The following GSE1 variants were observed in gnomAD, a reference collection of about 807,000 sequenced individuals.
GSE1 encodes Gse1 coiled-coil protein, also known as genetic suppressor element 1.
A neutral mutation model predicts 112.6 loss-of-function variants in GSE1; 32 were observed. The observed-to-expected ratio is 0.28, with a 90% confidence interval of 0.21 to 0.38. The LOEUF (loss-of-function observed/expected upper bound fraction) is 0.38, where lower values mean the gene tolerates loss of function less well. GSE1 is among the 10% of genes least tolerant of loss of function. GSE1 has a pLI of 1.00. For missense variants in GSE1, 2,348 were observed against 1,699.2 expected (o/e 1.38, Z -6.71); for synonymous variants, 1,115 against 735.6 (o/e 1.52, Z -8.35).
At chr16:85,485,546 C>T (rs1006382608) in intron 2 of GSE1, among the ~76,000 whole-genome samples, 3 of 152,254 alleles carry the variant, frequency 2.0e-5, no homozygotes, top group Admixed American at 6.5e-5. Context: ...TCCTTCATCC[C>T]GCAGGCCCGG....
intron 2 of GSE1, among the ~76,000 whole-genome samples, chr16:85,511,683 A>G (rs1356124026): frequency 6.6e-6 from 1 of 152,162 alleles, no homozygotes; most frequent in Admixed American, 6.5e-5. Context: ...GGTGGCCTAA[A>G]TGCAATCTCA....
intron 1 of GSE1, among the ~76,000 whole-genome samples, chr16:85,208,537 C>G (rs975753107): frequency 6.6e-6 from 1 of 152,258 alleles, no homozygotes; most frequent in African/African-American, 2.4e-5. Context: ...TGTCCCCTTT[C>G]ACATGATTCC....
intron 2 of GSE1, among the ~76,000 whole-genome samples, chr16:85,474,553 A>C (rs2050394064): frequency 1.3e-5 from 2 of 152,022 alleles, no homozygotes; most frequent in African/African-American, 2.4e-5. Context: ...GACCTGACCC[A>C]GCCTTGGGGA....
chr16:85,181,296 C>T (rs1168917607), intron 1 of GSE1, among the ~76,000 whole-genome samples: 1 of 152,204 alleles, frequency 6.6e-6, no homozygotes, highest in African/African-American at 2.4e-5. Context: ...GGTATCATTC[C>T]CGCTTTTCAG....
At chr16:85,452,599 C>G (rs919979231) in intron 2 of GSE1, among the ~76,000 whole-genome samples, 2 of 152,224 alleles carry the variant, frequency 1.3e-5, no homozygotes, top group African/African-American at 4.8e-5. Flanking sequence ...CAAAGGGCCT[C>G]CTTCCTCGGA....
intron 1 of GSE1, among the ~76,000 whole-genome samples, chr16:85,205,216 G>A (rs1389230597): frequency 6.6e-6 from 1 of 151,954 alleles, no homozygotes; most frequent in East Asian, 1.9e-4. Flanking sequence ...TGCAACCTCC[G>A]CCTCCTGGGG....
chr16:85,639,849 G>T (rs755112685), intron 2 of GSE1, among the ~76,000 whole-genome samples: 1 of 152,234 alleles, frequency 6.6e-6, no homozygotes, highest in Non-Finnish European at 1.5e-5. Flanking sequence ...GCAGCCTCCC[G>T]CAGGGACGCA....
At chr16:85,499,849 G>T (rs145805209) in intron 2 of GSE1, among the ~76,000 whole-genome samples, 6 of 152,322 alleles carry the variant, frequency 3.9e-5, no homozygotes, top group South Asian at 2.1e-4. Flanking sequence ...GAAATGGACA[G>T]ACTGTTACAG....
chr16:85,550,942 C>CT (rs1227913355), intron 2 of GSE1, among the ~76,000 whole-genome samples: 8 of 152,250 alleles, frequency 5.3e-5, no homozygotes, highest in Admixed American at 3.9e-4. Context: ...AGTTTTCTCT[C>CT]TTTTTCTGCT....
intron 2 of GSE1, among the ~76,000 whole-genome samples, chr16:85,386,397 C>T (rs1387757398): frequency 1.3e-5 from 2 of 152,216 alleles, no homozygotes; most frequent in African/African-American, 2.4e-5. Context: ...CAGTTTCCCC[C>T]ATAGGCAAAA....
chr16:85,623,819 T>G (rs2048892446), intron 1 of GSE1, among the ~76,000 whole-genome samples: 1 of 152,192 alleles, frequency 6.6e-6, no homozygotes, highest in Non-Finnish European at 1.5e-5. Context: ...CCACCTCCCC[T>G]GCTGCCCAGG....
chr16:85,275,767 C>T (rs972232144), intron 1 of GSE1, among the ~76,000 whole-genome samples: 2 of 152,204 alleles, frequency 1.3e-5, no homozygotes, highest in African/African-American at 2.4e-5. Flanking sequence ...AGGGATGAAC[C>T]GGGGCGCTGA....
In GSE1 at chr16:85,293,119, A is replaced by G. The variant is rs549109644; in HGVS notation, c.2284-64344A>G. ...CCCCCATGGTCAGGCCCCTCTCCCC[A>G]GCCCAGCCCCTGAGAGTCACGGATC... On this transcript the variant is annotated intron_variant, in intron 1 of 2. Coordinates refer to the GSE1 transcript ENST00000637419. Among the ~76,000 whole-genome samples the G allele has an allele frequency of 1.3e-3, 198 of 151,754 alleles. 2 individuals are homozygous for G. The highest frequency in any genetic ancestry group is 4.7e-3 in the African/African-American group (193 of 41,336).
rs553502127 is a variant in GSE1 at position 85,655,909 on chromosome 16, C to T, written c.981C>T (p.Ser327=). Residue 327 remains serine (S), a synonymous_variant, in exon 6 of 16, where the codon AGC becomes AGT. Transcript: ENST00000253458. ...ALHSERMSGL[S]AERLQMDEEL... ...ACTCGGAGCGCATGTCTGGCCTCAG[C>T]GCGGAGAGGTAAGTGCGTCTCGAGC... 2.2e-5 allele frequency: 36 copies of T among 1,602,230 alleles called. No individual in the cohort carries two copies. Among genetic ancestry groups the T allele is most frequent in the Non-Finnish European group, 2.9e-5 (34 of 1,179,148 alleles).
chr16:85,435,907 T>C (rs1297500380), intron 2 of GSE1, among the ~76,000 whole-genome samples: 1 of 152,040 alleles, frequency 6.6e-6, no homozygotes, highest in Non-Finnish European at 1.5e-5. Flanking sequence ...AGGGGACTTG[T>C]GTGTGCCTAA....
intron 2 of GSE1, among the ~76,000 whole-genome samples, chr16:85,494,038 C>T (rs1419601977): frequency 6.6e-6 from 1 of 152,236 alleles, no homozygotes; most frequent in Non-Finnish European, 1.5e-5. Context: ...CACAACATTG[C>T]ACTCCCGCCT....
Position 85,350,502 on chromosome 16 carries a change from C to T in GSE1, c.2284-6961C>T, listed in dbSNP as rs535025822. On this transcript the variant is annotated intron_variant, in intron 1 of 2. Coordinates refer to the GSE1 transcript ENST00000637419. ...AGGAGACAGCCCTGCCAGCTGGAGC[C>T]GAAACTGCCCAGCAGCCAGGGTGTG... Among the ~76,000 whole-genome samples the T allele has an allele frequency of 5.4e-4, 82 of 152,234 alleles. No homozygotes were observed. In the South Asian group the frequency reaches 0.013, roughly 25 times the overall value.
chr16:85,302,060 G>A (rs904673713), intron 1 of GSE1, among the ~76,000 whole-genome samples: 6 of 152,162 alleles, frequency 3.9e-5, no homozygotes, highest in African/African-American at 1.4e-4. Flanking sequence ...GAGCTGCAGG[G>A]CAGCCCTCTG....
At chr16:85,487,127 G>T (rs1159881143) in intron 2 of GSE1, among the ~76,000 whole-genome samples, 1 of 152,178 alleles carries the variant, frequency 6.6e-6, no homozygotes, top group African/African-American at 2.4e-5. Context: ...CTGTCCAGTT[G>T]GGAAAAGAGG....
Sources: gnomAD v4.1 joint callset for allele counts (sites outside exome capture counted in the v4.1 genomes callset) on GRCh38, gnomAD v4.1.1 for gene constraint, MANE v1.5 for transcripts, NCBI Gene and HGNC (gene_info 2026-07-23, HGNC 2026-07-21) for gene names.